EPB41L1: variants seen among roughly 807,000 people sequenced by gnomAD.
The protein encoded by EPB41L1 is erythrocyte membrane protein band 4.1 like 1.
A neutral mutation model predicts 97.8 loss-of-function variants in EPB41L1; 29 were observed. That is an observed-to-expected ratio of 0.30 (90% CI 0.22 to 0.40). The LOEUF is 0.40. Ranked by LOEUF, EPB41L1 falls within the 10% of genes least tolerant of loss-of-function variation. The probability of loss-of-function intolerance (pLI) is 1.00; values close to 1 mark genes in which losing one functional copy is unlikely to be tolerated. For synonymous variants in EPB41L1, 383 were observed against 459.2 expected (o/e 0.83, Z 2.12); for missense variants, 812 against 1,162.3 (o/e 0.70, Z 4.38).
At chr20:36,228,950 C>T (rs1238651073) in intron 21 of EPB41L1, among the ~76,000 whole-genome samples, 3 of 151,970 alleles carry the variant, frequency 2.0e-5, no homozygotes, top group African/African-American at 7.3e-5. Context: ...TAAAAGATTA[C>T]CACCTCCCTG....
At position 36,103,764 on chromosome 20, in the gene EPB41L1, C is replaced by T. The variant is rs552021315; in HGVS notation, c.-64-8662C>T. On this transcript the variant is annotated intron_variant, in intron 1 of 19. Coordinates refer to the EPB41L1 transcript ENST00000202028. ...TGTCGCCCAGGCTGGAGTGCAGTGG[C>T]GTGATCCAGCTCACTACAAGCTCCA... 5.6e-5 allele frequency among the ~76,000 whole-genome samples: 8 copies of T among 143,400 alleles called. No homozygotes were observed. In the South Asian group the frequency reaches 1.5e-3, roughly 27 times the overall value. 94.1% of individuals were successfully genotyped at this position (143,400 alleles called of 152,430 possible).
Position 36,173,907 on chromosome 20 carries a change from T to A in EPB41L1, c.130T>A (p.Ser44Thr). The A allele has an allele frequency of 6.2e-7, 1 of 1,613,846 alleles. No homozygotes were observed. The highest frequency in any genetic ancestry group is 8.5e-7 in the Non-Finnish European group (1 of 1,179,882). Residue 44 changes from serine to threonine, a missense_variant, in exon 2 of 22, where the codon TCC (serine) becomes ACC (threonine). Ser to Thr is a moderately conservative substitution (Grantham distance 58, BLOSUM62 1). Coordinates refer to ENST00000338074, the MANE Select transcript of EPB41L1 (RefSeq NM_012156.2). ...PAGHGHPEAN[S>T]NEKHPSQQDT... ...AGGCCACGGCCACCCAGAGGCCAACTCCAATGAGAAGCATCCATCCCAGCA... is the reference window on the plus strand; with the variant it reads ...AGGCCACGGCCACCCAGAGGCCAACACCAATGAGAAGCATCCATCCCAGCA...
At chr20:36,122,945 G>A (rs1005790931) in intron 2 of EPB41L1, among the ~76,000 whole-genome samples, 1 of 152,046 alleles carries the variant, frequency 6.6e-6, no homozygotes, top group Non-Finnish European at 1.5e-5. Flanking sequence ...TGAGTGCCTC[G>A]ACCCTTGCTC....
chr20:36,165,742 C>G (rs2060714291), intron 1 of EPB41L1, among the ~76,000 whole-genome samples: 1 of 152,190 alleles, frequency 6.6e-6, no homozygotes, highest in Non-Finnish European at 1.5e-5. Flanking sequence ...CAAAGCTGAT[C>G]AGATCGGAAG....
At chr20:36,227,270 T>A (rs1452757504) in intron 21 of EPB41L1, among the ~76,000 whole-genome samples, 1 of 151,950 alleles carries the variant, frequency 6.6e-6, no homozygotes, top group Non-Finnish European at 1.5e-5. Flanking sequence ...TGAGCTATGA[T>A]CGCGCCACTG....
chr20:36,149,536 C>T (rs2059965265), intron 2 of EPB41L1, among the ~76,000 whole-genome samples: 1 of 152,222 alleles, frequency 6.6e-6, no homozygotes, highest in African/African-American at 2.4e-5. Context: ...GAGGTCCCTG[C>T]AAGGTGGGCA....
At chr20:36,129,206 G>A (rs1220855675) in intron 2 of EPB41L1, among the ~76,000 whole-genome samples, 1 of 152,114 alleles carries the variant, frequency 6.6e-6, no homozygotes, top group Non-Finnish European at 1.5e-5. Flanking sequence ...AAACACAGGT[G>A]GTAGAATTGG....
intron 2 of EPB41L1, among the ~76,000 whole-genome samples, chr20:36,147,573 T>C (rs571899672): frequency 7.9e-5 from 12 of 152,250 alleles, no homozygotes; most frequent in Non-Finnish European, 1.5e-4. Flanking sequence ...GGTGGATCTA[T>C]AATGTCTGCC....
chr20:36,108,269 C>T (rs1450508285), intron 1 of EPB41L1, among the ~76,000 whole-genome samples: 14 of 152,060 alleles, frequency 9.2e-5, no homozygotes, highest in African/African-American at 3.1e-4. Context: ...CATGAACCAC[C>T]GTGCTGGGCC....
chr20:36,185,619 G>A (rs1183898996), intron 7 of EPB41L1, among the ~76,000 whole-genome samples: 1 of 152,198 alleles, frequency 6.6e-6, no homozygotes, highest in Non-Finnish European at 1.5e-5. Flanking sequence ...CTGCCAACTG[G>A]AGAAAATAAT....
In EPB41L1 at chr20:36,113,399, A is replaced by G. The variant is rs114213865; in HGVS notation, c.-10+919A>G. Among the ~76,000 whole-genome samples the G allele has an allele frequency of 9.6e-3, 1,437 of 149,538 alleles. 22 individuals carry two copies. The highest frequency in any genetic ancestry group is 0.034 in the African/African-American group (1,373 of 40,930). On this transcript the variant is annotated intron_variant, in intron 2 of 19. Coordinates refer to the EPB41L1 transcript ENST00000202028. The stretch of plus-strand genomic sequence containing the variant: ...GAAGTATCTTTGTACCCCTAGGGAA[A>G]CTTTCCATTTGTGTGTGTGTGTGTG...
chr20:36,163,182 T>C (rs149357839), intron 1 of EPB41L1, among the ~76,000 whole-genome samples: 158 of 152,048 alleles, frequency 1.0e-3, no homozygotes, highest in African/African-American at 3.6e-3. Context: ...ACTCCGAAAG[T>C]AATACATGCT....
intron 2 of EPB41L1, among the ~76,000 whole-genome samples, chr20:36,174,863 A>G (rs1198888996): frequency 1.3e-5 from 2 of 152,194 alleles, no homozygotes; most frequent in Admixed American, 1.3e-4. Flanking sequence ...GGTGAAGACA[A>G]ATCTAGATCT....
intron 21 of EPB41L1, among the ~76,000 whole-genome samples, chr20:36,223,994 G>A (rs1346151455): frequency 6.6e-6 from 1 of 152,134 alleles, no homozygotes; most frequent in Non-Finnish European, 1.5e-5. Flanking sequence ...AAAGATACGA[G>A]AATGTTTCTC....
chr20:36,173,693 G>T, intron 1 of EPB41L1, 71 bp from the exon 2 acceptor site: 1 of 1,415,500 alleles, frequency 7.1e-7, no homozygotes, highest in Non-Finnish European at 1.0e-6. Flanking sequence ...TCCGCGTGTG[G>T]TTCCTGCCCC....
At chr20:36,178,537 T>A in intron 4 of EPB41L1, 93 bp from the exon 5 acceptor site, 1 of 1,324,086 alleles carries the variant, frequency 7.6e-7, no homozygotes, top group East Asian at 2.3e-5. Flanking sequence ...TACAAGGGGC[T>A]GCTGACCAGC....
intron 1 of EPB41L1, among the ~76,000 whole-genome samples, chr20:36,158,837 G>A (rs1412415600): frequency 1.3e-5 from 2 of 152,140 alleles, no homozygotes; most frequent in Non-Finnish European, 2.9e-5. Context: ...CTTCTCTCCC[G>A]CTTCTGTCTC....
intron 1 of EPB41L1, among the ~76,000 whole-genome samples, chr20:36,094,354 AG>A (rs2057762907): frequency 6.6e-6 from 1 of 152,210 alleles, no homozygotes; most frequent in Non-Finnish European, 1.5e-5. Context: ...CTGCGTGAAA[AG>A]GAAGTTTGGG....
chr20:36,143,677 T>C (rs2059728821), intron 2 of EPB41L1, among the ~76,000 whole-genome samples: 1 of 151,994 alleles, frequency 6.6e-6, no homozygotes, highest in Non-Finnish European at 1.5e-5. Flanking sequence ...GCTCTCTTGA[T>C]ACCTGAAAGA....
Sources: allele counts gnomAD v4.1 joint callset (sites outside exome capture counted in the v4.1 genomes callset), GRCh38; gene constraint gnomAD v4.1.1; transcripts MANE v1.5; gene names NCBI Gene and HGNC (gene_info 2026-07-23, HGNC 2026-07-21).